SLFN12L: variants seen among roughly 807,000 people sequenced by gnomAD.
SLFN12L encodes the protein schlafen family member 12 like, also known as schlafen family member 12-like.
In SLFN12L, 34 loss-of-function variants were observed where a neutral mutation model predicts 34.8. The observed-to-expected ratio is 0.98, with a 90% CI of 0.74 to 1.30. The LOEUF (loss-of-function observed/expected upper bound fraction) is 1.30. SLFN12L is among the 50% of genes most tolerant of loss of function. The pLI, the probability that SLFN12L is intolerant of heterozygous loss-of-function variation, is 0.00. For synonymous variants in SLFN12L, 259 were observed against 247.5 expected (o/e 1.05, Z -0.44); for missense variants, 703 against 696.2 (o/e 1.01, Z -0.11).
chr17:35,513,165 C>T (rs1294089747), intron 2 of SLFN12L, among the ~76,000 whole-genome samples: 3 of 152,020 alleles, frequency 2.0e-5, no homozygotes, highest in African/African-American at 7.3e-5. Flanking sequence ...TGATATTGTG[C>T]CTCATCATCA....
intron 2 of SLFN12L, among the ~76,000 whole-genome samples, chr17:35,507,651 T>A (rs767938934): frequency 5.3e-5 from 8 of 152,172 alleles, no homozygotes; most frequent in Non-Finnish European, 1.0e-4. Context: ...GTTTGAAAAA[T>A]GGTTCCCAGT....
chr17:35,512,116 T>C (rs1410169424), intron 2 of SLFN12L, among the ~76,000 whole-genome samples: 1 of 151,756 alleles, frequency 6.6e-6, no homozygotes, highest in Non-Finnish European at 1.5e-5. Context: ...AAAGTGGCAA[T>C]TGTGTTTCTG....
At chr17:35,477,293 T>C (rs1360550894) in intron 4 of SLFN12L, among the ~76,000 whole-genome samples, 3 of 152,212 alleles carry the variant, frequency 2.0e-5, no homozygotes, top group African/African-American at 7.2e-5. Flanking sequence ...ATTTAAATGT[T>C]AAATGTTAAG....
intron 2 of SLFN12L, among the ~76,000 whole-genome samples, chr17:35,510,940 T>A (rs1915621175): frequency 6.6e-6 from 1 of 152,178 alleles, no homozygotes; most frequent in Non-Finnish European, 1.5e-5. Context: ...CTGACCATAG[T>A]TCTAGTCAGA....
chr17:35,530,008 C>G (rs1223116287), intron 1 of SLFN12L, among the ~76,000 whole-genome samples: 2 of 151,694 alleles, frequency 1.3e-5, no homozygotes, highest in Non-Finnish European at 2.9e-5. Flanking sequence ...GTCACTCAAA[C>G]CCATACTGAA....
In SLFN12L at chr17:35,478,089, C is replaced by A. The variant is rs759402093; in HGVS notation, c.1262G>T (p.Arg421Ile). Residue 421 changes from arginine (R) to isoleucine (I), a missense_variant, in exon 4 of 5, where the codon AGA (arginine) becomes ATA (isoleucine). By Grantham distance (97) the Arg-to-Ile change is moderately conservative. Coordinates refer to ENST00000628453, the MANE Select transcript of SLFN12L (RefSeq NM_001363830.2). The stretch of plus-strand genomic sequence containing the variant: ...AATTAAATTACCTGGAAGGTGATAT[C>A]TCAGTGGCTGAATTTTGAAGTTAAT... The part of the protein sequence containing the change: ...EYINFKIQPL[R>I]YHLPGLSEKI... The A allele has an allele frequency of 6.5e-7, 1 of 1,538,862 alleles. No individual in the cohort carries two copies. Among genetic ancestry groups the A allele is most frequent in the Non-Finnish European group, 8.8e-7 (1 of 1,136,572 alleles).
chr17:35,509,242 A>G (rs564474122), intron 2 of SLFN12L, among the ~76,000 whole-genome samples: 5 of 152,214 alleles, frequency 3.3e-5, no homozygotes, highest in Non-Finnish European at 7.3e-5. Flanking sequence ...GGAAGCACCA[A>G]GGGTGACGTT....
At chr17:35,507,928 C>T (rs1915516977) in intron 2 of SLFN12L, among the ~76,000 whole-genome samples, 2 of 152,198 alleles carry the variant, frequency 1.3e-5, no homozygotes, top group African/African-American at 4.8e-5. Context: ...GACCACCCCT[C>T]ATATTGTCTT....
At chr17:35,527,992 C>A (rs1386993934) in intron 1 of SLFN12L, among the ~76,000 whole-genome samples, 2 of 152,192 alleles carry the variant, frequency 1.3e-5, no homozygotes, top group Non-Finnish European at 1.5e-5. Context: ...AGCTTATAAG[C>A]AACTTCAGCA....
In SLFN12L at chr17:35,469,319, TATATATAA is replaced by T. The variant is rs1361256970; in HGVS notation, c.*5596_*5603del. 1.8e-3 allele frequency among the ~76,000 whole-genome samples: 233 copies of T among 129,036 alleles called. No homozygotes were observed. Among genetic ancestry groups the T allele is most frequent in the African/African-American group, 6.3e-3 (213 of 34,036 alleles). 84.7% of individuals were successfully genotyped at this position (129,036 alleles called of 152,430 possible). A position where few individuals can be genotyped will look rare whatever the true frequency, so the allele number is the denominator to read the frequency against. On this transcript the variant is annotated 3_prime_UTR_variant, in exon 5 of 5. Coordinates refer to ENST00000628453, the MANE Select transcript of SLFN12L (RefSeq NM_001363830.2). ...ATATATATAAAATATATATATATTA[TATATATAA>T]ATATATATATAATATATATATATAT... is the stretch of plus-strand genomic sequence containing the variant.
chr17:35,489,564 T>TAC (rs1476136806), intron 2 of SLFN12L, among the ~76,000 whole-genome samples: 1 of 151,798 alleles, frequency 6.6e-6, no homozygotes, highest in African/African-American at 2.4e-5. Context: ...TATATATATG[T>TAC]ACATATATAT....
intron 1 of SLFN12L, among the ~76,000 whole-genome samples, chr17:35,523,570 A>T (rs2072303588): frequency 6.6e-6 from 1 of 152,218 alleles, no homozygotes; most frequent in Non-Finnish European, 1.5e-5. Flanking sequence ...CCATTACAAA[A>T]GTCTTCTCTT....
chr17:35,479,270 C>A lies in SLFN12L; in HGVS notation c.1012G>T (p.Gly338Ter). 1 of 1,592,080 alleles carries A rather than the reference C, an allele frequency of 6.3e-7. No individual in the cohort carries two copies. The highest frequency in any genetic ancestry group is 1.3e-5 in the African/African-American group (1 of 74,338). ...GCATACACATATCCACAAAGCCTTC[C>A]TTTATCATATACTCCAAGGAATTTG... The part of the protein sequence containing the change: ...LCKFLGVYDK[G>*]RLCGYVYALR... The change falls in exon 3 of 5, where the codon GGA (glycine) becomes TGA (stop). Residue 338 changes from glycine (G) to a stop codon, truncating the protein, a stop_gained. Coordinates refer to ENST00000628453, the MANE Select transcript of SLFN12L (RefSeq NM_001363830.2). LOFTEE classifies it high-confidence loss of function.
chr17:35,483,712 G>A (rs1323076880), intron 2 of SLFN12L, among the ~76,000 whole-genome samples: 5 of 152,098 alleles, frequency 3.3e-5, no homozygotes, highest in Admixed American at 2.0e-4. Flanking sequence ...TGCTATAGAC[G>A]AAAACCTAAA....
At chr17:35,490,084 C>T (rs1413472371) in intron 2 of SLFN12L, 1 of 1,607,092 alleles carries the variant, frequency 6.2e-7, no homozygotes, top group Non-Finnish European at 8.5e-7. Flanking sequence ...CCACCGGCCC[C>T]CTCCTCCCCA....
intron 2 of SLFN12L, among the ~76,000 whole-genome samples, chr17:35,503,855 G>T (rs1015139451): frequency 2.0e-5 from 3 of 151,826 alleles, no homozygotes; most frequent in South Asian, 4.2e-4. Flanking sequence ...ACCCTACCTT[G>T]TGCTGCTATC....
rs1019597562 is a variant in SLFN12L, at chr17:35,478,123, G to A, written c.1228C>T (p.Arg410Cys). The A allele has an allele frequency of 6.5e-6, 10 of 1,545,276 alleles. No individual in the cohort carries two copies. Among genetic ancestry groups the A allele is most frequent in the African/African-American group, 4.1e-5 (3 of 72,706 alleles). Residue 410 changes from arginine to cysteine, a missense_variant, in exon 4 of 5, where the codon CGT becomes TGT. Coordinates refer to ENST00000628453, the MANE Select transcript of SLFN12L (RefSeq NM_001363830.2). ...TGAATTTTGAAGTTAATATATTCAC[G>A]AAGAGGATAACTCTGGGAGACAGGT... ...SSPVSQSYPL[R>C]EYINFKIQPL...
chr17:35,506,834 A>G (rs1435522673), intron 2 of SLFN12L, among the ~76,000 whole-genome samples: 2 of 152,204 alleles, frequency 1.3e-5, no homozygotes, highest in African/African-American at 2.4e-5. Flanking sequence ...GATAACTTCT[A>G]GGTCCTAAAA....
chr17:35,481,279 C>T (rs1914326450), intron 2 of SLFN12L, among the ~76,000 whole-genome samples: 1 of 152,152 alleles, frequency 6.6e-6, no homozygotes, highest in Non-Finnish European at 1.5e-5. Flanking sequence ...TTAGAGAAGA[C>T]TCTGCTCCAC....
Sources: allele counts gnomAD v4.1 joint callset (sites outside exome capture counted in the v4.1 genomes callset), GRCh38; gene constraint gnomAD v4.1.1; transcripts MANE v1.5; gene names NCBI Gene and HGNC (gene_info 2026-07-23, HGNC 2026-07-21).